ABL1: variants seen among roughly 807,000 people sequenced by gnomAD.
ABL1 encodes the protein tyrosine-protein kinase ABL1.
A neutral mutation model predicts 94.7 loss-of-function variants in ABL1; 11 were observed. That is an observed-to-expected ratio of 0.12 (90% CI 0.07 to 0.19). The LOEUF is 0.19. ABL1 is among the 10% of genes least tolerant of loss of function. The probability of loss-of-function intolerance (pLI) is 1.00; values close to 1 mark genes in which losing one functional copy is unlikely to be tolerated. For synonymous variants in ABL1, 656 were observed against 622.4 expected, an observed-to-expected ratio of 1.05 and a Z score of -0.80; for missense variants, 1,082 against 1,489.4, an observed-to-expected ratio of 0.73 and a Z score of 4.50.
chr9:130,774,904 GGAAA>G (rs1832294148), intron 1 of ABL1, among the ~76,000 whole-genome samples: 1 of 151,662 alleles, frequency 6.6e-6, no homozygotes, highest in Admixed American at 6.6e-5. Context: ...AAGTGAGGAA[GGAAA>G]GAAAGGAAAG....
chr9:130,869,854 T>G (rs1831224021), intron 4 of ABL1, among the ~76,000 whole-genome samples: 1 of 152,220 alleles, frequency 6.6e-6, no homozygotes, highest in South Asian at 2.1e-4. Context: ...AGATGAAGTC[T>G]CACTCTGTCG....
chr9:130,729,584 A>G (rs962221056), intron 1 of ABL1, among the ~76,000 whole-genome samples: 1 of 152,116 alleles, frequency 6.6e-6, no homozygotes, highest in Non-Finnish European at 1.5e-5. Context: ...TCTTTCCTCA[A>G]GGGTCACAGC....
Position 130,855,005 on chromosome 9 carries a change from A to G in ABL1, c.458A>G (p.Glu153Gly). 1 of 1,614,208 alleles carries G rather than the reference A, an allele frequency of 6.2e-7. No homozygotes were observed. Among genetic ancestry groups the G allele is most frequent in the Non-Finnish European group, 8.5e-7 (1 of 1,180,032 alleles). ...ATCAATGGCAGCTTCTTGGTGCGTGAGAGTGAGAGCAGTCCTGGCCAGAGG... is the reference window on the plus strand; with the variant it reads ...ATCAATGGCAGCTTCTTGGTGCGTGGGAGTGAGAGCAGTCCTGGCCAGAGG... ...SGINGSFLVR[E>G]SESSPGQRSI... is the part of the protein sequence containing the mutation. The change falls in exon 3 of 11, where the codon GAG (glutamate) becomes GGG (glycine). Residue 153 changes from glutamate (E) to glycine (G), a missense_variant. By Grantham distance (98) the Glu-to-Gly change is moderately conservative (BLOSUM62 -2). Transcript: ENST00000318560.
At chr9:130,845,842 A>T (rs1434415852) in intron 1 of ABL1, among the ~76,000 whole-genome samples, 1 of 151,074 alleles carries the variant, frequency 6.6e-6, no homozygotes, top group Non-Finnish European at 1.5e-5. Flanking sequence ...CCCGGGCAAC[A>T]AGAGCAAAAC....
At chr9:130,771,232 G>GTA (rs1455301369) in intron 1 of ABL1, among the ~76,000 whole-genome samples, 2 of 147,444 alleles carry the variant, frequency 1.4e-5, no homozygotes, top group Admixed American at 6.6e-5. Context: ...ATGTATGTAT[G>GTA]TGTGTGTGTG....
chr9:130,789,616 G>C (rs1829878067), intron 1 of ABL1, among the ~76,000 whole-genome samples: 1 of 152,086 alleles, frequency 6.6e-6, no homozygotes, highest in African/African-American at 2.4e-5. Flanking sequence ...TCAGATATTG[G>C]AAATATTGAA....
chr9:130,827,314 C>T (rs1830438885), intron 1 of ABL1, among the ~76,000 whole-genome samples: 1 of 152,150 alleles, frequency 6.6e-6, no homozygotes, highest in African/African-American at 2.4e-5. Flanking sequence ...TTGAATGACC[C>T]TAGAGAAAAG....
chr9:130,788,937 T>G (rs60739754), intron 1 of ABL1, among the ~76,000 whole-genome samples: 4,237 of 152,310 alleles, frequency 0.028, 199 homozygotes, highest in African/African-American at 0.096. Context: ...TCTGGTTCCT[T>G]CATTGGATAG....
At chr9:130,851,444 T>C (rs549849638) in intron 1 of ABL1, among the ~76,000 whole-genome samples, 1 of 152,332 alleles carries the variant, frequency 6.6e-6, no homozygotes, top group South Asian at 2.1e-4. Context: ...AAGCGAGACT[T>C]GAAGCTCTTC....
chr9:130,767,749 G>A (rs962523975), intron 1 of ABL1, among the ~76,000 whole-genome samples: 40 of 152,260 alleles, frequency 2.6e-4, no homozygotes, highest in African/African-American at 9.6e-4. Flanking sequence ...TAAAGTGCAC[G>A]TGTGCATGTG....
intron 1 of ABL1, among the ~76,000 whole-genome samples, chr9:130,776,498 A>G (rs555195969): frequency 1.3e-4 from 20 of 152,012 alleles, no homozygotes; most frequent in African/African-American, 4.3e-4. Context: ...AATCACCTGA[A>G]CCTGGGAGGC....
chr9:130,854,251 G>A lies in ABL1; in HGVS notation c.253+14G>A, dbSNP rs1830937170. ...GCATAACTAAAGGTAAAAGGGTTGT[G>A]GGCAGCTAGTGGTGGTTGCAGGAGA... On this transcript the variant is annotated intron_variant, in intron 2 of 10. Transcript: ENST00000318560. The A allele has an allele frequency of 6.2e-7, 1 of 1,610,786 alleles. No homozygotes were observed. The highest frequency in any genetic ancestry group is 8.5e-7 in the Non-Finnish European group (1 of 1,178,064).
intron 1 of ABL1, among the ~76,000 whole-genome samples, chr9:130,844,211 A>G (rs1321759850): frequency 2.6e-5 from 4 of 152,096 alleles, no homozygotes; most frequent in East Asian, 1.9e-4. Flanking sequence ...GATGGCCCTG[A>G]TAGTAGGGAG....
chr9:130,784,347 A>G (rs918801284), intron 1 of ABL1, among the ~76,000 whole-genome samples: 4 of 152,192 alleles, frequency 2.6e-5, no homozygotes, highest in East Asian at 3.8e-4. Flanking sequence ...ATATACTGCT[A>G]CTTAGCTGTG....
chr9:130,750,803 T>C (rs1189758690), intron 1 of ABL1, among the ~76,000 whole-genome samples: 3 of 150,160 alleles, frequency 2.0e-5, no homozygotes. Flanking sequence ...CTCGCCACCA[T>C]GCCTGGCTAA....
intron 1 of ABL1, among the ~76,000 whole-genome samples, chr9:130,772,919 T>C (rs919915177): frequency 1.3e-5 from 2 of 152,138 alleles, no homozygotes; most frequent in African/African-American, 4.8e-5. Context: ...ATCCTGAAAA[T>C]TGACCTGACA....
At chr9:130,847,543 A>G (rs1044045677) in intron 1 of ABL1, among the ~76,000 whole-genome samples, 4 of 152,230 alleles carry the variant, frequency 2.6e-5, no homozygotes, top group Non-Finnish European at 5.9e-5. Flanking sequence ...TCACTATGAA[A>G]TGAAGCAAGT....
chr9:130,832,508 C>T (rs548305577), upstream of ABL1, among the ~76,000 whole-genome samples: 4 of 152,298 alleles, frequency 2.6e-5, no homozygotes, highest in East Asian at 7.7e-4. Flanking sequence ...TACCTTCCTA[C>T]CTCCTGGCTG....
At chr9:130,776,625 T>TC (rs1175180736) in intron 1 of ABL1, among the ~76,000 whole-genome samples, 1 of 150,284 alleles carries the variant, frequency 6.7e-6, no homozygotes, top group Non-Finnish European at 1.5e-5. Flanking sequence ...TTGAGGTCTT[T>TC]GGGGGCTGCC....
Sources: gnomAD v4.1 joint callset for allele counts (sites outside exome capture counted in the v4.1 genomes callset) on GRCh38, gnomAD v4.1.1 for gene constraint, MANE v1.5 for transcripts, NCBI Gene and HGNC (gene_info 2026-07-23, HGNC 2026-07-21) for gene names.